Variants in EPB41L5 observed in about 807,000 individuals in gnomAD.
EPB41L5 encodes the protein erythrocyte membrane protein band 4.1 like 5.
A neutral mutation model predicts 106.6 loss-of-function variants in EPB41L5; 55 were observed. The observed-to-expected ratio is 0.52, with a 90% CI of 0.42 to 0.65. EPB41L5 has a LOEUF of 0.65. Ranked by LOEUF, EPB41L5 falls within the 30% of genes least tolerant of loss-of-function variation. EPB41L5 has a pLI of 0.00. For missense variants in EPB41L5, 871 were observed against 882.1 expected (o/e 0.99, Z 0.16); for synonymous variants, 297 against 306.7 (o/e 0.97, Z 0.33).
chr2:120,068,102 T>G (rs147167471), intron 3 of EPB41L5, among the ~76,000 whole-genome samples: 1,908 of 152,160 alleles, frequency 0.013, 11 homozygotes, highest in Non-Finnish European at 0.02. Flanking sequence ...TTGGGGCTGG[T>G]TAGACAATGG....
At chr2:120,111,121 T>C (rs1445661369) in intron 16 of EPB41L5, among the ~76,000 whole-genome samples, 3 of 152,046 alleles carry the variant, frequency 2.0e-5, no homozygotes, top group African/African-American at 7.3e-5. Context: ...CGAGATCCCA[T>C]GTTACATTTA....
chr2:120,111,498 T>C (rs748696310), intron 16 of EPB41L5, among the ~76,000 whole-genome samples: 1 of 152,200 alleles, frequency 6.6e-6, no homozygotes, highest in Non-Finnish European at 1.5e-5. Context: ...TTCTGATGCA[T>C]ACTGAAGTTT....
chr2:120,046,531 T>C (rs1188379959), intron 3 of EPB41L5, among the ~76,000 whole-genome samples: 2 of 151,842 alleles, frequency 1.3e-5, no homozygotes, highest in African/African-American at 4.8e-5. Context: ...GTAAATTTGT[T>C]TGAGTTCTTT....
At chr2:120,030,984 C>A (rs1286596484) in intron 2 of EPB41L5, among the ~76,000 whole-genome samples, 1 of 152,166 alleles carries the variant, frequency 6.6e-6, no homozygotes, top group Admixed American at 6.5e-5. Context: ...TCAAGTGATT[C>A]TCCTGCCTCA....
At chr2:120,125,804 A>G (rs760573490) in intron 16 of EPB41L5, among the ~76,000 whole-genome samples, 32 of 152,146 alleles carry the variant, frequency 2.1e-4, no homozygotes, top group Non-Finnish European at 4.1e-4. Flanking sequence ...TGCTAGGACT[A>G]CTGTTACAAG....
chr2:120,105,638 G>A (rs1452035118), intron 16 of EPB41L5: 3 of 985,018 alleles, frequency 3.0e-6, no homozygotes, highest in Non-Finnish European at 3.6e-6. Flanking sequence ...GCCACTCAAA[G>A]TATTTAGCAC....
At chr2:120,048,057 G>T (rs1679933932) in intron 3 of EPB41L5, among the ~76,000 whole-genome samples, 1 of 152,162 alleles carries the variant, frequency 6.6e-6, no homozygotes, top group Non-Finnish European at 1.5e-5. Context: ...CCTGGATTCG[G>T]TTTGCCAGTA....
chr2:120,046,245 A>G (rs575572770), intron 3 of EPB41L5, among the ~76,000 whole-genome samples: 2 of 152,298 alleles, frequency 1.3e-5, no homozygotes, highest in Non-Finnish European at 2.9e-5. Flanking sequence ...GTCTTCCACA[A>G]TGGTTGAACT....
intron 16 of EPB41L5, among the ~76,000 whole-genome samples, chr2:120,122,775 C>T (rs889611650): frequency 2.6e-4 from 39 of 152,252 alleles, no homozygotes; most frequent in African/African-American, 7.7e-4. Flanking sequence ...GCAGTATGGC[C>T]ATTTTCACGA....
In EPB41L5 at chr2:120,031,615, G is replaced by A. The variant is rs1440402011; in HGVS notation, c.181-10391G>A. On this transcript the variant is annotated intron_variant, in intron 2 of 24. Transcript: ENST00000263713. Reference sequence around the variant, plus strand: ...ATTTTTAATTTATGAAAATAAACAAGACATTGAACCTGTAATCAAGATCTC... The same window carrying A: ...ATTTTTAATTTATGAAAATAAACAAAACATTGAACCTGTAATCAAGATCTC... Among the ~76,000 whole-genome samples the A allele has an allele frequency of 3.3e-5, 5 of 152,126 alleles. No homozygotes were observed. In the East Asian group the frequency reaches 7.7e-4, roughly 23 times the overall value.
In EPB41L5 at chr2:120,175,356, T is replaced by TA. The variant is rs1254189695; in HGVS notation, c.*450dup. On this transcript the variant is annotated 3_prime_UTR_variant, in exon 25 of 25. Coordinates refer to ENST00000263713, the MANE Select transcript of EPB41L5 (RefSeq NM_020909.4). Reference sequence around the variant, plus strand: ...TAGAGAAATTGCACTTTTCCTGACTTACCTAGAAATCAAGAATTTAGGAAA... The same window carrying TA: ...TAGAGAAATTGCACTTTTCCTGACTTAACCTAGAAATCAAGAATTTAGGAAA... 1 of 160,238 alleles carries TA rather than the reference T, an allele frequency of 6.2e-6. No individual in the cohort carries two copies. The allele number at this position is 160,238 out of a possible 1,614,324, so 9.9% of individuals were successfully genotyped here. A position where few individuals can be genotyped will look rare whatever the true frequency, so the allele number is the denominator to read the frequency against.
intron 3 of EPB41L5, among the ~76,000 whole-genome samples, chr2:120,057,636 CTTT>C (rs554013617): frequency 1.4e-5 from 2 of 141,826 alleles, no homozygotes; most frequent in Non-Finnish European, 1.5e-5. Flanking sequence ...TTTATAATCT[CTTT>C]TTTTTTTTTT....
chr2:120,068,971 T>C lies in EPB41L5; in HGVS notation c.286-4207T>C, dbSNP rs111644560. Among the ~76,000 whole-genome samples the C allele has an allele frequency of 4.9e-3, 745 of 151,210 alleles. 4 individuals are homozygous for C. Among genetic ancestry groups the C allele is most frequent in the Non-Finnish European group, 8.2e-3 (554 of 67,808 alleles). Reference sequence around the variant, plus strand: ...GGAGTAACCCTGTCTCTACTAAAAATTCAAAAATTAGCCGGGTGAGGTTGC... The same window carrying C: ...GGAGTAACCCTGTCTCTACTAAAAACTCAAAAATTAGCCGGGTGAGGTTGC... On this transcript the variant is annotated intron_variant, in intron 3 of 24. Coordinates refer to ENST00000263713, the MANE Select transcript of EPB41L5 (RefSeq NM_020909.4).
intron 1 of EPB41L5, among the ~76,000 whole-genome samples, chr2:120,015,943 CTG>C (rs2105107131): frequency 6.7e-6 from 1 of 149,834 alleles, no homozygotes. Context: ...AATAAAACAA[CTG>C]TATTGTATGC....
At chr2:120,124,531 C>T (rs760650316) in intron 16 of EPB41L5, among the ~76,000 whole-genome samples, 1 of 152,244 alleles carries the variant, frequency 6.6e-6, no homozygotes, top group African/African-American at 2.4e-5. Flanking sequence ...GCAGACATGA[C>T]GTTACTTCAT....
chr2:120,092,787 C>T (rs1225294567), intron 13 of EPB41L5, among the ~76,000 whole-genome samples: 2 of 152,152 alleles, frequency 1.3e-5, no homozygotes, highest in Non-Finnish European at 2.9e-5. Flanking sequence ...GATGATAATT[C>T]ATAATCAGTC....
intron 19 of EPB41L5, 69 bp downstream of exon 19, chr2:120,143,200 C>T (rs2105495033): frequency 7.2e-7 from 1 of 1,394,850 alleles, no homozygotes; most frequent in African/African-American, 1.5e-5. Flanking sequence ...TTGCCTTCCC[C>T]AACTCTAAAT....
rs975481293 is a variant in EPB41L5, at chr2:120,151,568, C to G, written c.1793+5279C>G. On this transcript the variant is annotated intron_variant, in intron 20 of 24. Transcript: ENST00000263713. ...CTCATGATCCACCCACCTCGGCCTC[C>G]CAAAGTGCTGGGATTACAGGCAGGA... Among the ~76,000 whole-genome samples, 3 of 151,596 alleles carry G rather than the reference C, an allele frequency of 2.0e-5. 1 individual carries two copies. Among genetic ancestry groups the G allele is most frequent in the Admixed American group, 2.0e-4 (3 of 15,224 alleles).
chr2:120,031,562 A>T (rs1000733576), intron 2 of EPB41L5, among the ~76,000 whole-genome samples: 1 of 152,192 alleles, frequency 6.6e-6, no homozygotes, highest in African/African-American at 2.4e-5. Context: ...GTTCATTTTC[A>T]ATAGCTACAA....
Sources: allele counts gnomAD v4.1 joint callset (sites outside exome capture counted in the v4.1 genomes callset), GRCh38; gene constraint gnomAD v4.1.1; transcripts MANE v1.5; gene names NCBI Gene and HGNC (gene_info 2026-07-23, HGNC 2026-07-21).